CYTH3: variants seen among roughly 807,000 people sequenced by gnomAD.
CYTH3 encodes cytohesin 3.
In CYTH3, 23 loss-of-function variants were observed where a neutral mutation model predicts 55.1. That is an observed-to-expected ratio of 0.42 (90% CI 0.30 to 0.59). The LOEUF (loss-of-function observed/expected upper bound fraction) is 0.59. Ranked by LOEUF, CYTH3 falls within the 20% of genes least tolerant of loss-of-function variation. The probability of loss-of-function intolerance (pLI) is 0.20; values close to 1 mark genes in which losing one functional copy is unlikely to be tolerated. For synonymous variants in CYTH3, 249 were observed against 194.9 expected, an observed-to-expected ratio of 1.28 and a Z score of -2.31; for missense variants, 413 against 524.8, an observed-to-expected ratio of 0.79 and a Z score of 2.08.
intron 1 of CYTH3, among the ~76,000 whole-genome samples, chr7:6,244,937 C>T (rs1013465444): frequency 1.4e-5 from 2 of 147,712 alleles, no homozygotes; most frequent in African/African-American, 2.5e-5. Flanking sequence ...TACAGTCACC[C>T]GCCACCACGC....
chr7:6,171,393 C>A lies in CYTH3; in HGVS notation c.450-79G>T. 7.2e-7 allele frequency: 1 copy of A among 1,386,364 alleles called. No homozygotes were observed. The allele number at this position is 1,386,364 out of a possible 1,614,324, so 85.9% of individuals were successfully genotyped here. On this transcript the variant is annotated intron_variant, in intron 6 of 12. Coordinates refer to ENST00000350796, the MANE Select transcript of CYTH3 (RefSeq NM_004227.4). This position sits in a 1 kb window ranked among gnomAD's most constrained non-coding sequence, Gnocchi z 6.7. ...GGCCAAGGGCGGCTTCTGCCCAGCT[C>A]AGGAAGGACGTTTTCCTCCCGAGCC...
In CYTH3 at chr7:6,162,699, C is replaced by A. The variant is rs1782871453; in HGVS notation, c.*2245G>T. 2 of 152,294 alleles carry A rather than the reference C, an allele frequency of 1.3e-5. No individual in the cohort carries two copies. The highest frequency in any genetic ancestry group is 4.1e-4 in the South Asian group (2 of 4,834). The allele number at this position is 152,294 out of a possible 1,614,324, so 9.4% of individuals were successfully genotyped here. A position where few individuals can be genotyped will look rare whatever the true frequency, so the allele number is the denominator to read the frequency against. On this transcript the variant is annotated 3_prime_UTR_variant, in exon 13 of 13. Coordinates refer to ENST00000350796, the MANE Select transcript of CYTH3 (RefSeq NM_004227.4). Reference sequence around the variant, plus strand: ...AGCACCACAGCCTCTGCATGGCTCCCAGGTGCCCACCACCTGGCGAAGCTC... The same window carrying A: ...AGCACCACAGCCTCTGCATGGCTCCAAGGTGCCCACCACCTGGCGAAGCTC...
At chr7:6,187,370 T>C (rs1366742613) in intron 3 of CYTH3, among the ~76,000 whole-genome samples, 1 of 152,236 alleles carries the variant, frequency 6.6e-6, no homozygotes, top group East Asian at 1.9e-4. Flanking sequence ...CACAGTTCCT[T>C]ATGACGCAGG....
At chr7:6,259,796 T>TATATATATA (rs1780278991) in intron 1 of CYTH3, among the ~76,000 whole-genome samples, 2 of 21,836 alleles carry the variant, frequency 9.2e-5, no homozygotes, top group Non-Finnish European at 1.3e-4. Context: ...TATATATATA[T>TATATATATA]ATATATATAT....
At chr7:6,223,836 TAAAA>T (rs58813864) in intron 1 of CYTH3, among the ~76,000 whole-genome samples, 862 of 24,272 alleles carry the variant, frequency 0.036, 17 homozygotes, top group African/African-American at 0.1. Context: ...CAATAAATAC[TAAAA>T]AAAAAAAAAA....
chr7:6,194,647 G>A (rs1160119547), intron 1 of CYTH3, among the ~76,000 whole-genome samples: 1 of 151,824 alleles, frequency 6.6e-6, no homozygotes, highest in Non-Finnish European at 1.5e-5. Flanking sequence ...CAGAAGATAT[G>A]TACCAATAAC....
intron 1 of CYTH3, among the ~76,000 whole-genome samples, chr7:6,269,547 G>A (rs916358885): frequency 4.7e-5 from 7 of 149,692 alleles, no homozygotes; most frequent in Admixed American, 6.7e-5. Flanking sequence ...AACAGGACAC[G>A]AAGACAATCC....
rs777696895 is a variant in CYTH3, at chr7:6,177,812, C to T, written c.368+11G>A. 2 of 1,604,910 alleles carry T rather than the reference C, an allele frequency of 1.2e-6. No individual in the cohort carries two copies. Among genetic ancestry groups the T allele is most frequent in the Non-Finnish European group, 8.5e-7 (1 of 1,171,774 alleles). ...GCCCCAGGTAGGGCTTTGCATCCTC[C>T]TCTAACTCACCTTTCACCCAGGTAG... On this transcript the variant is annotated intron_variant, in intron 5 of 12. Coordinates refer to ENST00000350796, the MANE Select transcript of CYTH3 (RefSeq NM_004227.4).
Position 6,259,748 on chromosome 7 carries a change from ATATATATAT to A in CYTH3, c.34+12717_34+12725del, listed in dbSNP as rs1271499496. ...TATTTTACATACATATATATAATATATATATATATTATATATATATATATTATATATATA... is the reference window on the plus strand; with the variant it reads ...TATTTTACATACATATATATAATATATATATATATATATATTATATATATA... On this transcript the variant is annotated intron_variant, in intron 1 of 12. Transcript: ENST00000350796. Among the ~76,000 whole-genome samples the A allele has an allele frequency of 3.4e-3, 60 of 17,842 alleles. 9 individuals carry two copies. Among genetic ancestry groups the A allele is most frequent in the African/African-American group, 0.015 (54 of 3,674 alleles). The allele number at this position is 17,842 out of a possible 152,430, so 11.7% of individuals were successfully genotyped here.
rs1783161128 is a variant in CYTH3 at position 6,170,773 on chromosome 7, G to A, written c.711+57C>T. 2.5e-6 allele frequency: 4 copies of A among 1,576,918 alleles called. No homozygotes were observed. The highest frequency in any genetic ancestry group is 3.4e-6 in the Non-Finnish European group (4 of 1,160,852). On this transcript the variant is annotated intron_variant, in intron 8 of 12. Transcript: ENST00000350796. This position sits in a 1 kb window ranked among gnomAD's most constrained non-coding sequence, Gnocchi z 7.8. The stretch of plus-strand genomic sequence containing the variant: ...CGTGTCTAGAGCCGCGGGCGCTGCG[G>A]CCGCTCACAGCGAAGAGATCCTGCA...
chr7:6,189,247 C>G (rs573475667), intron 2 of CYTH3, among the ~76,000 whole-genome samples: 1 of 152,166 alleles, frequency 6.6e-6, no homozygotes, highest in Admixed American at 6.5e-5. Flanking sequence ...CTACCCCATC[C>G]TCTGAGTAAA....
chr7:6,216,821 C>G lies in CYTH3; in HGVS notation c.35-26290G>C, dbSNP rs577152492. Reference sequence around the variant, plus strand: ...TCAAACTGGAATTCTAAAAAATCTTCAAGTAACTCACAGGAAAAAGAAAAC... The same window carrying G: ...TCAAACTGGAATTCTAAAAAATCTTGAAGTAACTCACAGGAAAAAGAAAAC... On this transcript the variant is annotated intron_variant, in intron 1 of 12. Coordinates refer to ENST00000350796, the MANE Select transcript of CYTH3 (RefSeq NM_004227.4). 5.4e-4 allele frequency among the ~76,000 whole-genome samples: 73 copies of G among 135,520 alleles called. 1 individual carries two copies. Among genetic ancestry groups the G allele is most frequent in the African/African-American group, 1.9e-3 (68 of 35,246 alleles). 88.9% of individuals were successfully genotyped at this position (135,520 alleles called of 152,430 possible).
chr7:6,213,235 T>C (rs926267954), intron 1 of CYTH3, among the ~76,000 whole-genome samples: 3 of 152,228 alleles, frequency 2.0e-5, no homozygotes, highest in Non-Finnish European at 4.4e-5. Flanking sequence ...CAAAAGGTGC[T>C]CCAGAGATGA....
At chr7:6,189,723 T>G (rs979942177) in intron 2 of CYTH3, among the ~76,000 whole-genome samples, 2 of 152,094 alleles carry the variant, frequency 1.3e-5, no homozygotes, top group Non-Finnish European at 2.9e-5. Context: ...GAACAGGCAA[T>G]GTTCTAGGTG....
intron 1 of CYTH3, among the ~76,000 whole-genome samples, chr7:6,207,050 G>A (rs368108064): frequency 7.1e-6 from 1 of 140,350 alleles, no homozygotes; most frequent in South Asian, 2.4e-4. Flanking sequence ...CATACCATAA[G>A]AAACATTCCA....
At chr7:6,189,895 G>C (rs1342846356) in intron 2 of CYTH3, among the ~76,000 whole-genome samples, 1 of 151,998 alleles carries the variant, frequency 6.6e-6, no homozygotes, top group Non-Finnish European at 1.5e-5. Context: ...AATTAGCTGG[G>C]TGTGGTGGTG....
At chr7:6,271,577 C>A (rs1344633133) in intron 1 of CYTH3, among the ~76,000 whole-genome samples, 2 of 152,316 alleles carry the variant, frequency 1.3e-5, no homozygotes, top group Admixed American at 6.5e-5. Context: ...AACACCCACT[C>A]CATACAGAGG....
intron 1 of CYTH3, among the ~76,000 whole-genome samples, chr7:6,221,206 T>C (rs1191701762): frequency 6.6e-6 from 1 of 152,140 alleles, no homozygotes; most frequent in African/African-American, 2.4e-5. Flanking sequence ...ATCCATACCA[T>C]GGAATATTAT....
At chr7:6,261,689 CA>C (rs71549614) in intron 1 of CYTH3, among the ~76,000 whole-genome samples, 10,719 of 47,360 alleles carry the variant, frequency 0.23, 177 homozygotes, top group South Asian at 0.3. Context: ...GACCCTGTCT[CA>C]AAAAAAAAAA....
Sources: gnomAD v4.1 joint callset for allele counts (sites outside exome capture counted in the v4.1 genomes callset) on GRCh38, gnomAD v4.1.1 for gene constraint, Gnocchi (gnomAD v3.1) non-coding constraint, MANE v1.5 for transcripts, NCBI Gene and HGNC (gene_info 2026-07-23, HGNC 2026-07-21) for gene names.